UPF2: variants seen among roughly 807,000 people sequenced by gnomAD.
UPF2 encodes the protein regulator of nonsense transcripts 2.
Under a neutral mutation model 141.4 loss-of-function variants are expected in UPF2, and 17 were observed. The ratio of observed to expected loss-of-function variants is 0.12; its 90% CI spans 0.08 to 0.18. The LOEUF (loss-of-function observed/expected upper bound fraction) is 0.18, where lower values mean the gene tolerates loss of function less well. Among genes scored for constraint, UPF2 ranks in the 10% least tolerant of loss-of-function variants. The probability of loss-of-function intolerance (pLI) is 1.00; values close to 1 mark genes in which losing one functional copy is unlikely to be tolerated. For synonymous variants in UPF2, 540 were observed against 498.0 expected (o/e 1.08, Z -1.12); for missense variants, 1,152 against 1,515.9 (o/e 0.76, Z 3.99).
At position 11,939,953 on chromosome 10, in the gene UPF2, AAAAAC is replaced by A. The variant is rs1446513612; in HGVS notation, c.3378+2707_3378+2711del. 6.6e-6 allele frequency among the ~76,000 whole-genome samples: 1 copy of A among 152,180 alleles called. No individual in the cohort carries two copies. Among genetic ancestry groups the A allele is most frequent in the Non-Finnish European group, 1.5e-5 (1 of 68,040 alleles). On this transcript the variant is annotated intron_variant, in intron 18 of 21. Coordinates refer to ENST00000357604, the MANE Select transcript of UPF2 (RefSeq NM_015542.4). The surrounding 1 kb of genome is among the most constrained non-coding windows in gnomAD (Gnocchi z 4.8). ...CTCCCTGCTCTTCTCTTTCCCTTGG[AAAAAC>A]AAAACAAAACATCTTCCTGGTGTGA...
intron 8 of UPF2, among the ~76,000 whole-genome samples, chr10:11,990,902 G>A (rs1833768197): frequency 6.9e-6 from 1 of 145,408 alleles, no homozygotes; most frequent in Non-Finnish European, 1.5e-5. Context: ...GCAGGAGAAT[G>A]GTGTGAACCC....
chr10:12,039,662 C>T (rs1029872887), intron 1 of UPF2, among the ~76,000 whole-genome samples: 4 of 149,914 alleles, frequency 2.7e-5, no homozygotes, highest in African/African-American at 9.9e-5. Flanking sequence ...CACTCTGTCG[C>T]CAGGCTGGAG....
intron 8 of UPF2, among the ~76,000 whole-genome samples, chr10:11,986,729 G>C (rs942752659): frequency 6.6e-6 from 1 of 152,116 alleles, no homozygotes; most frequent in Non-Finnish European, 1.5e-5. Context: ...CTCTGAAATC[G>C]ACAACCAAAT....
In UPF2 at chr10:11,935,171, T is replaced by C. The variant is rs1264777066; in HGVS notation, c.3546+1374A>G. Among the ~76,000 whole-genome samples, 4 of 152,146 alleles carry C rather than the reference T, an allele frequency of 2.6e-5. No homozygotes were observed. Among genetic ancestry groups the C allele is most frequent in the Non-Finnish European group, 5.9e-5 (4 of 68,020 alleles). On this transcript the variant is annotated intron_variant, in intron 19 of 21. Coordinates refer to ENST00000357604, the MANE Select transcript of UPF2 (RefSeq NM_015542.4). This position sits in a 1 kb window ranked among gnomAD's most constrained non-coding sequence, Gnocchi z 4.9. ...TACCTAAGAGGCAGCCTCCCTCTCC[T>C]GGCATCTCACCATCCGTGTCTCTTT...
At chr10:12,003,866 A>G (rs1382773528) in intron 5 of UPF2, among the ~76,000 whole-genome samples, 1 of 141,878 alleles carries the variant, frequency 7.0e-6, no homozygotes, top group East Asian at 2.3e-4. Context: ...CGTAGGTTGC[A>G]GTGAGCTGAG....
intron 8 of UPF2, among the ~76,000 whole-genome samples, chr10:11,991,545 A>T (rs1050529653): frequency 3.9e-5 from 6 of 152,182 alleles, no homozygotes; most frequent in African/African-American, 1.4e-4. Context: ...TATTTATCCT[A>T]GGAAAGTTAT....
chr10:11,937,955 C>A (rs1329890328), intron 18 of UPF2, among the ~76,000 whole-genome samples: 1 of 152,112 alleles, frequency 6.6e-6, no homozygotes, highest in Non-Finnish European at 1.5e-5. Flanking sequence ...TTAACATATT[C>A]TTTTCATAAA....
rs375804183 is a variant in UPF2 at position 11,931,768 on chromosome 10, A to G, written c.3561T>C (p.Asn1187=). ...KGNKQQFKIL[N]VPMSSQLAAN... ...CAGCAAGTTGAGAGGACATGGGTAC[A>G]TTAAGGATCTTAAACTGGGAGAAAA... Residue 1187 remains asparagine, a synonymous_variant, in exon 20 of 22, where the codon AAT becomes AAC. Transcript: ENST00000357604. The surrounding 1 kb of genome is among the most constrained non-coding windows in gnomAD (Gnocchi z 5.9). 1.2e-6 allele frequency: 2 copies of G among 1,603,236 alleles called. No homozygotes were observed. The highest frequency in any genetic ancestry group is 2.7e-5 in the African/African-American group (2 of 74,286).
chr10:12,020,932 A>C (rs1405219670), intron 3 of UPF2, among the ~76,000 whole-genome samples: 1 of 152,238 alleles, frequency 6.6e-6, no homozygotes, highest in Non-Finnish European at 1.5e-5. Context: ...AAACACGTCC[A>C]TGAAGGCAAG....
chr10:11,921,174 T>C lies in UPF2; in HGVS notation c.*124A>G. 1 of 1,357,170 alleles carries C rather than the reference T, an allele frequency of 7.4e-7. No homozygotes were observed. The highest frequency in any genetic ancestry group is 1.1e-6 in the Non-Finnish European group (1 of 946,020). 84.1% of individuals were successfully genotyped at this position (1,357,170 alleles called of 1,614,324 possible). A position where few individuals can be genotyped will look rare whatever the true frequency, so the allele number is the denominator to read the frequency against. ...CTCCTGGCCCCAGCCTGTCCCAGGT[T>C]TAGATTCGCAACTCTCTAGACCGAC... On this transcript the variant is annotated 3_prime_UTR_variant, in exon 22 of 22. Transcript: ENST00000357604. This position sits in a 1 kb window ranked among gnomAD's most constrained non-coding sequence, Gnocchi z 5.9.
Position 11,979,772 on chromosome 10 carries a change from G to A in UPF2, c.1845-607C>T, listed in dbSNP as rs1182717279. Among the ~76,000 whole-genome samples the A allele has an allele frequency of 2.0e-5, 3 of 152,122 alleles. No individual in the cohort carries two copies. The highest frequency in any genetic ancestry group is 4.4e-5 in the Non-Finnish European group (3 of 68,014). On this transcript the variant is annotated intron_variant, in intron 8 of 21. Transcript: ENST00000357604. The surrounding 1 kb of genome is among the most constrained non-coding windows in gnomAD (Gnocchi z 6.2). ...ATAAAAAAATTAGACAGGTATGGTG[G>A]CATGCGCCTGTAGTCACAGCTACTC... is the stretch of plus-strand genomic sequence containing the variant.
chr10:12,026,073 C>T (rs1360267669), intron 3 of UPF2, among the ~76,000 whole-genome samples: 2 of 152,086 alleles, frequency 1.3e-5, no homozygotes, highest in Non-Finnish European at 1.5e-5. Context: ...ACATTACAGG[C>T]GTGAGCCACC....
At position 11,942,737 on chromosome 10, in the gene UPF2, A is replaced by C; in HGVS notation, c.3306T>G (p.Leu1102=). The C allele has an allele frequency of 6.2e-7, 1 of 1,613,988 alleles. No homozygotes were observed. The highest frequency in any genetic ancestry group is 8.5e-7 in the Non-Finnish European group (1 of 1,179,938). The change falls in exon 18 of 22, where the codon CTT becomes CTG. Residue 1102 remains leucine (L), a synonymous_variant. Coordinates refer to ENST00000357604, the MANE Select transcript of UPF2 (RefSeq NM_015542.4). ...NTEVMIKGGG[L]KHVPCVEDED... Reference sequence around the variant, plus strand: ...CATCTTCTACACAAGGTACATGCTTAAGTCCACCGCCTTTAATCATTACCT... The same window carrying C: ...CATCTTCTACACAAGGTACATGCTTCAGTCCACCGCCTTTAATCATTACCT...
chr10:11,989,976 T>C (rs1197086419), intron 8 of UPF2, among the ~76,000 whole-genome samples: 1 of 152,184 alleles, frequency 6.6e-6, no homozygotes, highest in East Asian at 1.9e-4. Flanking sequence ...ATCCATTTTC[T>C]CAGGAAAAGT....
chr10:11,961,016 G>C (rs1173896788), intron 11 of UPF2, among the ~76,000 whole-genome samples: 5 of 151,380 alleles, frequency 3.3e-5, no homozygotes, highest in African/African-American at 4.9e-5. Context: ...CTTGAGCCCA[G>C]GAGTTGGAGG....
intron 3 of UPF2, among the ~76,000 whole-genome samples, chr10:12,028,100 T>G (rs908144416): frequency 2.0e-5 from 3 of 152,190 alleles, no homozygotes; most frequent in Non-Finnish European, 4.4e-5. Flanking sequence ...TAGTCTACCA[T>G]ACCTTTTAAC....
Position 11,936,674 on chromosome 10 carries a change from A to T in UPF2, c.3417T>A (p.Asp1139Glu), listed in dbSNP as rs1479536310. 3 of 1,612,526 alleles carry T rather than the reference A, an allele frequency of 1.9e-6. No homozygotes were observed. Among genetic ancestry groups the T allele is most frequent in the Non-Finnish European group, 2.5e-6 (3 of 1,179,352 alleles). The change falls in exon 19 of 22, where the codon GAT (aspartate) becomes GAA (glutamate). Residue 1139 changes from aspartate to glutamate, a missense_variant. Coordinates refer to ENST00000357604, the MANE Select transcript of UPF2 (RefSeq NM_015542.4). The surrounding 1 kb of genome is among the most constrained non-coding windows in gnomAD (Gnocchi z 6.6). The part of the protein sequence containing the change: ...SGESVKVHQL[D>E]VAIPLHLKSQ... ...TTTTGAGATGCAAAGGAATGGCAAC[A>T]TCTAGTTGGTGCACTTTAACAGATT...
In UPF2 at chr10:11,979,761, C is replaced by T. The variant is rs117526588; in HGVS notation, c.1845-596G>A. ...CTCTACTAAAAATAAAAAAATTAGA[C>T]AGGTATGGTGGCATGCGCCTGTAGT... On this transcript the variant is annotated intron_variant, in intron 8 of 21. Coordinates refer to ENST00000357604, the MANE Select transcript of UPF2 (RefSeq NM_015542.4). This position sits in a 1 kb window ranked among gnomAD's most constrained non-coding sequence, Gnocchi z 6.2. 3.3e-3 allele frequency among the ~76,000 whole-genome samples: 500 copies of T among 152,178 alleles called. 3 individuals are homozygous for T. The highest frequency in any genetic ancestry group is 3.2e-3 in the Non-Finnish European group (220 of 68,000).
At chr10:11,993,537 C>A (rs780007735) in intron 8 of UPF2, among the ~76,000 whole-genome samples, 21 of 135,822 alleles carry the variant, frequency 1.5e-4, no homozygotes, top group Middle Eastern at 3.8e-3. Context: ...AAAAAAAAAA[C>A]CAGACAGTAT....
Sources: gnomAD v4.1 joint callset for allele counts (sites outside exome capture counted in the v4.1 genomes callset) on GRCh38, gnomAD v4.1.1 for gene constraint, Gnocchi (gnomAD v3.1) non-coding constraint, MANE v1.5 for transcripts, NCBI Gene and HGNC (gene_info 2026-07-23, HGNC 2026-07-21) for gene names.